Variants in TTC34 observed in about 807,000 individuals in gnomAD.
The protein encoded by TTC34 is tetratricopeptide repeat domain 34.
A neutral mutation model predicts 40.7 loss-of-function variants in TTC34; 44 were observed. The observed-to-expected ratio is 1.08, with a 90% confidence interval of 0.85 to 1.39. TTC34 has a LOEUF of 1.39. TTC34 is among the 40% of genes most tolerant of loss of function. The pLI is 0.00. For synonymous variants in TTC34, 422 were observed against 398.6 expected (o/e 1.06, Z -0.70); for missense variants, 884 against 838.0 (o/e 1.05, Z -0.68).
chr1:2,796,640 G>T lies in TTC34; in HGVS notation c.784+3404C>A, dbSNP rs543646752. 3.9e-5 allele frequency among the ~76,000 whole-genome samples: 6 copies of T among 151,970 alleles called. No individual in the cohort carries two copies. In the East Asian group the frequency reaches 1.2e-3, roughly 29 times the overall value. ...CCCTTAAGTCATGCCCTGCCCCTGC[G>T]TGATCATTAAAGTGGAAGGCCCCCT... On this transcript the variant is annotated intron_variant, in intron 2 of 8. Coordinates refer to ENST00000401095, the Ensembl canonical transcript of TTC34. The surrounding 1 kb of genome is among the most constrained non-coding windows in gnomAD (Gnocchi z 4.5).
rs1322490072 is a variant in TTC34, at chr1:2,644,347, G to A, written c.2629C>T (p.Gln877Ter). 2.0e-6 allele frequency: 3 copies of A among 1,536,018 alleles called. No homozygotes were observed. In the South Asian group the frequency reaches 3.6e-5, roughly 18 times the overall value. ...GGGGCATCCACCTCGGCCAGGCTCT[G>A]CAGGTCCCTTGCAGCCCCTGGCACG... The change falls in exon 8 of 9, where the codon CAG becomes TAG. Residue 877 changes from glutamine (Q) to a stop codon, truncating the protein, a stop_gained. Coordinates refer to ENST00000401095, the Ensembl canonical transcript of TTC34. LOFTEE classifies it high-confidence loss of function.
intron 6 of TTC34, among the ~76,000 whole-genome samples, chr1:2,773,051 C>A (rs1569843815): frequency 6.7e-6 from 1 of 148,418 alleles, no homozygotes; most frequent in Non-Finnish European, 1.5e-5. Context: ...TGGAGCAGCA[C>A]GCACACCCCC....
chr1:2,779,874 A>G (rs961674765), intron 6 of TTC34, among the ~76,000 whole-genome samples: 5 of 152,020 alleles, frequency 3.3e-5, no homozygotes, highest in African/African-American at 1.2e-4. Flanking sequence ...GTCCATTTGT[A>G]TATCTTTTTT....
chr1:2,690,172 C>A (rs1246124984), intron 6 of TTC34, among the ~76,000 whole-genome samples: 5 of 29,964 alleles, frequency 1.7e-4, no homozygotes, highest in African/African-American at 4.3e-4. Flanking sequence ...TGGAGCAGCA[C>A]CCCACACCCA....
intron 6 of TTC34, among the ~76,000 whole-genome samples, chr1:2,682,202 T>G (rs1408040806): frequency 9.8e-6 from 1 of 101,528 alleles, no homozygotes; most frequent in Non-Finnish European, 2.3e-5. Context: ...CAGGCCAGCA[T>G]CCGATAACCT....
At chr1:2,760,218 G>A in intron 6 of TTC34, among the ~76,000 whole-genome samples, 1 of 114,694 alleles carries the variant, frequency 8.7e-6, no homozygotes, top group African/African-American at 4.4e-5. Context: ...GCGAGCATCT[G>A]AAGTCATGGA....
intron 6 of TTC34, among the ~76,000 whole-genome samples, chr1:2,675,559 A>C (rs1280865088): frequency 3.0e-3 from 407 of 134,814 alleles, no homozygotes; most frequent in Non-Finnish European, 5.4e-3. Flanking sequence ...AAGAGCACCC[A>C]CACCCCAAGG....
intron 8 of TTC34, among the ~76,000 whole-genome samples, chr1:2,643,228 G>A (rs1638949418): frequency 6.6e-6 from 1 of 152,214 alleles, no homozygotes; most frequent in Admixed American, 6.5e-5. Flanking sequence ...GGGGCCGCCT[G>A]CCGAGGGGCG....
chr1:2,777,661 C>T (rs1643297718), intron 6 of TTC34, among the ~76,000 whole-genome samples: 1 of 147,842 alleles, frequency 6.8e-6, no homozygotes, highest in African/African-American at 2.5e-5. Flanking sequence ...TGCCATGCCT[C>T]CTCTCAGGGT....
chr1:2,660,118 A>T (rs1260391087), intron 6 of TTC34, among the ~76,000 whole-genome samples: 1 of 111,808 alleles, frequency 8.9e-6, no homozygotes, highest in Non-Finnish European at 1.8e-5. Flanking sequence ...CCAACAGGCG[A>T]GCATCTGACA....
At chr1:2,751,180 A>G (rs1304289397) in intron 6 of TTC34, among the ~76,000 whole-genome samples, 1 of 119,212 alleles carries the variant, frequency 8.4e-6, no homozygotes, top group Non-Finnish European at 1.7e-5. Flanking sequence ...CCAGGCGAGC[A>G]TCCGACAGCC....
chr1:2,749,012 G>C (rs1174505063), intron 6 of TTC34, among the ~76,000 whole-genome samples: 55 of 133,446 alleles, frequency 4.1e-4, no homozygotes, highest in East Asian at 9.3e-4. Context: ...GCCCAGGTGA[G>C]CATCTGACAG....
intron 6 of TTC34, among the ~76,000 whole-genome samples, chr1:2,773,078 G>T (rs1437009357): frequency 7.9e-6 from 1 of 125,976 alleles, no homozygotes. Context: ...GCCTCTGACA[G>T]CCTGGAGCAG....
rs189307369 is a variant in TTC34 at position 2,795,998 on chromosome 1, G to T, written c.784+4046C>A. ...GGTATTGACAGGTCAGATCTTTGAAGATGATTAGGCCATGAGGGCTCTGCT... is the reference window on the plus strand; with the variant it reads ...GGTATTGACAGGTCAGATCTTTGAATATGATTAGGCCATGAGGGCTCTGCT... On this transcript the variant is annotated intron_variant, in intron 2 of 8. Transcript: ENST00000401095. Among the ~76,000 whole-genome samples, 31 of 152,346 alleles carry T rather than the reference G, an allele frequency of 2.0e-4. No homozygotes were observed. In the East Asian group the frequency reaches 6.0e-3, roughly 29 times the overall value.
At chr1:2,789,569 G>A (rs995653499) in exon 3 of TTC34, 2 of 1,484,836 alleles carry the variant, frequency 1.3e-6, no homozygotes, top group Non-Finnish European at 1.8e-6. Context: ...GGACGGCCCG[G>A]CGCGTGGAGA....
In TTC34 at chr1:2,752,332, C is replaced by T. The variant is rs1310760365; in HGVS notation, c.2226+31277G>A. ...GACAGCCTGGAACAGCACGCACACC[C>T]CCAGGTGAGCATCTGACCGCCTGGA... On this transcript the variant is annotated intron_variant, in intron 6 of 8. Coordinates refer to ENST00000401095, the Ensembl canonical transcript of TTC34. 1.6e-5 allele frequency among the ~76,000 whole-genome samples: 2 copies of T among 128,972 alleles called. 1 individual carries two copies. The highest frequency in any genetic ancestry group is 3.2e-5 in the Non-Finnish European group (2 of 62,346). 84.6% of individuals were successfully genotyped at this position (128,972 alleles called of 152,430 possible).
intron 6 of TTC34, among the ~76,000 whole-genome samples, chr1:2,681,745 C>A (rs1373360539): frequency 3.3e-5 from 4 of 119,764 alleles, no homozygotes; most frequent in Admixed American, 8.2e-5. Flanking sequence ...GAACCCACGG[C>A]CACAGGCGAG....
Position 2,645,496 on chromosome 1 carries a change from G to A in TTC34, c.2294C>T (p.Ser765Phe). Residue 765 changes from serine to phenylalanine, a missense_variant, in exon 7 of 9, where the codon TCT becomes TTT. Ser to Phe is a radical substitution (Grantham distance 155). Transcript: ENST00000401095. This position sits in a 1 kb window ranked among gnomAD's most constrained non-coding sequence, Gnocchi z 4.7. The stretch of plus-strand genomic sequence containing the variant: ...GAGGGCCTGGGCTTCCGGCTTCAGA[G>A]AGCGGAGCTCAGGGACCACAGTCCC... The A allele has an allele frequency of 6.5e-7, 1 of 1,529,368 alleles. No homozygotes were observed. The highest frequency in any genetic ancestry group is 1.9e-4 in the Middle Eastern group (1 of 5,362). 94.7% of individuals were successfully genotyped at this position (1,529,368 alleles called of 1,614,324 possible).
At chr1:2,777,690 G>C (rs1212675531) in intron 6 of TTC34, among the ~76,000 whole-genome samples, 1 of 110,588 alleles carries the variant, frequency 9.0e-6, no homozygotes, top group African/African-American at 4.5e-5. Context: ...AGAGGGCATG[G>C]GGGGGGGGGC....
Sources: gnomAD v4.1 joint callset for allele counts (sites outside exome capture counted in the v4.1 genomes callset) on GRCh38, gnomAD v4.1.1 for gene constraint, Gnocchi (gnomAD v3.1) non-coding constraint, MANE v1.5 for transcripts, NCBI Gene and HGNC (gene_info 2026-07-23, HGNC 2026-07-21) for gene names.